The following AGBL1 variants were observed in gnomAD, a reference collection of about 807,000 sequenced individuals.
AGBL1 encodes the protein cytosolic carboxypeptidase 4.
In AGBL1, 130 loss-of-function variants were observed where a neutral mutation model predicts 118.9. The observed-to-expected ratio is 1.09, with a 90% CI of 0.95 to 1.26. The LOEUF is 1.26. AGBL1 is among the 50% of genes most tolerant of loss of function. The pLI is 0.00. For missense variants in AGBL1, 1,584 were observed against 1,298.1 expected (o/e 1.22, Z -3.38); for synonymous variants, 555 against 478.9 (o/e 1.16, Z -2.08).
intron 6 of AGBL1, among the ~76,000 whole-genome samples, chr15:86,245,383 G>A (rs1441718886): frequency 6.6e-6 from 1 of 152,204 alleles, no homozygotes; most frequent in Non-Finnish European, 1.5e-5. Flanking sequence ...AGTGTGAATG[G>A]TTTCGATGAT....
At chr15:86,168,317 A>G (rs1036933466) in intron 5 of AGBL1, among the ~76,000 whole-genome samples, 4 of 152,288 alleles carry the variant, frequency 2.6e-5, no homozygotes, top group Admixed American at 1.3e-4. Flanking sequence ...TGAAATAGGG[A>G]AGGAATTTCT....
rs546538516 is a variant in AGBL1, at chr15:87,002,194, G to T, written c.3323+14106G>T. The stretch of plus-strand genomic sequence containing the variant: ...AGGGATCCAGTTTCAGCTTTCTACA[G>T]ATGGCTAGCCAGTTTTCCCAGCACC... On this transcript the variant is annotated intron_variant, in intron 24 of 24. Coordinates refer to the AGBL1 transcript ENST00000441037. Among the ~76,000 whole-genome samples, 277 of 152,052 alleles carry T rather than the reference G, an allele frequency of 1.8e-3. 7 individuals are homozygous for T. In the East Asian group the frequency reaches 0.045, roughly 25 times the overall value.
intron 22 of AGBL1, among the ~76,000 whole-genome samples, chr15:86,786,799 C>G (rs1295621868): frequency 6.6e-6 from 1 of 152,144 alleles, no homozygotes; most frequent in African/African-American, 2.4e-5. Flanking sequence ...AGATTAGAAA[C>G]ACTAGAATTT....
chr15:86,564,128 A>G (rs2083875026), intron 21 of AGBL1, among the ~76,000 whole-genome samples: 1 of 152,150 alleles, frequency 6.6e-6, no homozygotes, highest in African/African-American at 2.4e-5. Context: ...TAGCCCATTT[A>G]TATTTAAGGT....
chr15:87,003,516 CT>C (rs2081463513), intron 24 of AGBL1, among the ~76,000 whole-genome samples: 1 of 152,158 alleles, frequency 6.6e-6, no homozygotes, highest in South Asian at 2.1e-4. Context: ...AGAATTCCCT[CT>C]TTTTCTATTA....
chr15:86,115,695 C>T (rs993365019), intron 1 of AGBL1, among the ~76,000 whole-genome samples: 1 of 152,184 alleles, frequency 6.6e-6, no homozygotes. Flanking sequence ...CTGGAAAGCT[C>T]AAGGCTATCT....
At chr15:86,215,560 G>T (rs866353801) in intron 5 of AGBL1, among the ~76,000 whole-genome samples, 1 of 152,048 alleles carries the variant, frequency 6.6e-6, no homozygotes, top group East Asian at 1.9e-4. Context: ...TGGACAGCAG[G>T]TGTTAAGTAC....
At position 86,154,542 on chromosome 15, in the gene AGBL1, G is replaced by A. The variant is rs138966010; in HGVS notation, c.375G>A (p.Leu125=). Residue 125 remains leucine (L), a synonymous_variant, in exon 4 of 23, where the codon CTG becomes CTA. Transcript: ENST00000614907. ...GQNLLHCLWA[L]RVFASSVSMG... is the part of the protein sequence containing the mutation. ...ATCTCCTCCACTGTCTCTGGGCTCT[G>A]CGTGTGTTTGCCTCCAGTGGTAAGT... 4.3e-6 allele frequency: 7 copies of A among 1,610,358 alleles called. No individual in the cohort carries two copies. In the African/African-American group the frequency reaches 8.0e-5, roughly 18 times the overall value.
chr15:86,118,269 AG>A (rs1897882036), intron 1 of AGBL1, among the ~76,000 whole-genome samples: 1 of 152,162 alleles, frequency 6.6e-6, no homozygotes, highest in South Asian at 2.1e-4. Flanking sequence ...TCTGGAGTAA[AG>A]GCTGGCAGAG....
chr15:86,176,578 G>T (rs1026879844), intron 5 of AGBL1, among the ~76,000 whole-genome samples: 20 of 152,190 alleles, frequency 1.3e-4, no homozygotes, highest in African/African-American at 4.8e-4. Flanking sequence ...TGGCTGCAAT[G>T]CTGGGTCCAG....
At chr15:86,818,585 G>C (rs2141382650) in intron 22 of AGBL1, among the ~76,000 whole-genome samples, 1 of 152,172 alleles carries the variant, frequency 6.6e-6, no homozygotes, top group African/African-American at 2.4e-5. Flanking sequence ...GTTGGGGACT[G>C]CTGCTCTAGA....
At chr15:86,642,476 T>C (rs1054857597) in intron 21 of AGBL1, among the ~76,000 whole-genome samples, 1 of 152,116 alleles carries the variant, frequency 6.6e-6, no homozygotes, top group Non-Finnish European at 1.5e-5. Flanking sequence ...TAGCAAGATA[T>C]TGGCTGTTAG....
intron 22 of AGBL1, among the ~76,000 whole-genome samples, chr15:86,779,679 C>G (rs995257569): frequency 1.3e-5 from 2 of 152,112 alleles, no homozygotes; most frequent in African/African-American, 4.8e-5. Context: ...CATTACCAAC[C>G]ATTTGTATCT....
At chr15:86,728,819 T>C (rs1160460682) in intron 22 of AGBL1, among the ~76,000 whole-genome samples, 2 of 152,192 alleles carry the variant, frequency 1.3e-5, no homozygotes, top group Admixed American at 1.3e-4. Flanking sequence ...TGTTAAAATA[T>C]AGATAAAATG....
intron 1 of AGBL1, among the ~76,000 whole-genome samples, chr15:86,126,110 C>T (rs1898414287): frequency 6.6e-6 from 1 of 152,086 alleles, no homozygotes; most frequent in Admixed American, 6.6e-5. Flanking sequence ...GAACTACCAC[C>T]TTCATCCTTG....
intron 5 of AGBL1, among the ~76,000 whole-genome samples, chr15:86,209,813 C>A (rs1422583369): frequency 6.6e-6 from 1 of 152,150 alleles, no homozygotes; most frequent in Admixed American, 6.5e-5. Flanking sequence ...AGCCCATTTA[C>A]ATTTAATTTT....
At chr15:86,916,581 A>T (rs2080426957), downstream of AGBL1, among the ~76,000 whole-genome samples, 1 of 152,244 alleles carries the variant, frequency 6.6e-6, no homozygotes, top group African/African-American at 2.4e-5. Context: ...GGAATAGAAC[A>T]TTATAACAGA....
At chr15:86,525,626 T>C (rs1236197107) in intron 19 of AGBL1, among the ~76,000 whole-genome samples, 1 of 152,028 alleles carries the variant, frequency 6.6e-6, no homozygotes, top group Admixed American at 6.6e-5. Flanking sequence ...AAAATATATA[T>C]TCAGTAAATG....
intron 19 of AGBL1, among the ~76,000 whole-genome samples, chr15:86,539,718 A>G (rs1027862523): frequency 6.6e-6 from 1 of 152,202 alleles, no homozygotes; most frequent in Non-Finnish European, 1.5e-5. Context: ...GCTCTCACTC[A>G]GTAAGGTTCA....
Sources: gnomAD v4.1 joint callset for allele counts (sites outside exome capture counted in the v4.1 genomes callset) on GRCh38, gnomAD v4.1.1 for gene constraint, MANE v1.5 for transcripts, NCBI Gene and HGNC (gene_info 2026-07-23, HGNC 2026-07-21) for gene names.